The following ADGRV1 variants were observed in gnomAD, a reference collection of about 807,000 sequenced individuals.
The protein encoded by ADGRV1 is G-protein coupled receptor 98.
In ADGRV1, 359 loss-of-function variants were observed where a neutral mutation model predicts 596.2. That is an observed-to-expected ratio of 0.60 (90% CI 0.55 to 0.66). The LOEUF (loss-of-function observed/expected upper bound fraction) is 0.66, where lower values mean the gene tolerates loss of function less well. Among genes scored for constraint, ADGRV1 ranks in the 30% least tolerant of loss-of-function variants. The pLI is 0.00. For missense variants in ADGRV1, 7,274 were observed against 7,575.6 expected (o/e 0.96, Z 1.48); for synonymous variants, 2,681 against 2,679.2 (o/e 1.00, Z -0.02).
intron 83 of ADGRV1, among the ~76,000 whole-genome samples, chr5:90,916,327 A>G (rs1446362046): frequency 5.9e-5 from 9 of 152,174 alleles, no homozygotes; most frequent in Admixed American, 4.6e-4. Flanking sequence ...ATATATGAAG[A>G]TATTTTTTAA....
intron 83 of ADGRV1, among the ~76,000 whole-genome samples, chr5:90,868,280 C>A (rs1401630828): frequency 6.6e-6 from 1 of 152,036 alleles, no homozygotes; most frequent in East Asian, 1.9e-4. Context: ...TTTAAGAAAT[C>A]CCATTAATTA....
chr5:90,595,908 C>T lies in ADGRV1; in HGVS notation c.23-18927C>T, dbSNP rs1760440390. Among the ~76,000 whole-genome samples, 3 of 131,086 alleles carry T rather than the reference C, an allele frequency of 2.3e-5. No individual in the cohort carries two copies. In the South Asian group the frequency reaches 6.9e-4, roughly 30 times the overall value. 86.0% of individuals were successfully genotyped at this position (131,086 alleles called of 152,430 possible). On this transcript the variant is annotated intron_variant, in intron 1 of 89. Coordinates refer to ENST00000405460, the MANE Select transcript of ADGRV1 (RefSeq NM_032119.4). ...GGGGCTGACCCCCCCCACCTCCCTC[C>T]CGGATGGGGTGGCTGCCGGGCGGAG...
chr5:90,911,355 T>C (rs1772872774), intron 83 of ADGRV1, among the ~76,000 whole-genome samples: 1 of 152,202 alleles, frequency 6.6e-6, no homozygotes, highest in African/African-American at 2.4e-5. Context: ...TCTGTAAACA[T>C]TAGGAAGCAC....
At chr5:90,863,522 G>T (rs1387250703) in intron 82 of ADGRV1, among the ~76,000 whole-genome samples, 1 of 152,152 alleles carries the variant, frequency 6.6e-6, no homozygotes, top group Admixed American at 6.5e-5. Context: ...AAAATTTTAT[G>T]ACTGAAAAAT....
Position 90,790,782 on chromosome 5 carries a change from T to G in ADGRV1, c.14044-91T>G, listed in dbSNP as rs555098442. 5.1e-6 allele frequency: 4 copies of G among 789,284 alleles called. No homozygotes were observed. In the African/African-American group the frequency reaches 5.2e-5, roughly 10 times the overall value. 48.9% of individuals were successfully genotyped at this position (789,284 alleles called of 1,614,324 possible). A position where few individuals can be genotyped will look rare whatever the true frequency, so the allele number is the denominator to read the frequency against. On this transcript the variant is annotated intron_variant, in intron 69 of 89. Coordinates refer to ENST00000405460, the MANE Select transcript of ADGRV1 (RefSeq NM_032119.4). ...AGTGATGCACAATTATATTTTTTTT[T>G]TGTATATTATAGAGAAAAACATAAT... is the stretch of plus-strand genomic sequence containing the variant.
intron 86 of ADGRV1, among the ~76,000 whole-genome samples, chr5:91,099,872 T>C (rs1436043593): frequency 6.6e-6 from 1 of 152,150 alleles, no homozygotes; most frequent in Non-Finnish European, 1.5e-5. Context: ...TAAATGTGTT[T>C]GTGTGTGCAT....
chr5:91,101,713 C>G (rs1791389418), intron 86 of ADGRV1, among the ~76,000 whole-genome samples: 3 of 151,968 alleles, frequency 2.0e-5, no homozygotes, highest in Admixed American at 2.0e-4. Flanking sequence ...TTAAACTTAC[C>G]AATAAATTTT....
intron 87 of ADGRV1, among the ~76,000 whole-genome samples, chr5:91,144,930 C>G (rs543460534): frequency 6.6e-6 from 1 of 152,216 alleles, no homozygotes; most frequent in Non-Finnish European, 1.5e-5. Context: ...AATTCTTTCA[C>G]AGACTGGCAT....
intron 59 of ADGRV1, among the ~76,000 whole-genome samples, chr5:90,766,110 T>C (rs563992950): frequency 1.1e-3 from 160 of 152,074 alleles, no homozygotes; most frequent in East Asian, 4.1e-3. Context: ...AGGGTTTCAC[T>C]GTGTTAGCCA....
chr5:90,926,954 T>G (rs1774547158), intron 83 of ADGRV1, among the ~76,000 whole-genome samples: 1 of 151,968 alleles, frequency 6.6e-6, no homozygotes, highest in Admixed American at 6.5e-5. Context: ...GTGAGTGAGA[T>G]TCCTAATCCT....
intron 77 of ADGRV1, among the ~76,000 whole-genome samples, chr5:90,829,877 C>T (rs997829757): frequency 6.6e-6 from 1 of 152,130 alleles, no homozygotes; most frequent in African/African-American, 2.4e-5. Context: ...AGCTGACCCA[C>T]CTTAGTCCTC....
intron 36 of ADGRV1, 51 bp downstream of exon 36, chr5:90,704,539 G>A: frequency 4.4e-6 from 5 of 1,147,368 alleles, no homozygotes; most frequent in Non-Finnish European, 5.0e-6. Flanking sequence ...TTTCGTAAAA[G>A]AAAGAAAATT....
At chr5:90,722,024 A>T (rs890986833) in intron 45 of ADGRV1, among the ~76,000 whole-genome samples, 2 of 152,214 alleles carry the variant, frequency 1.3e-5, no homozygotes, top group Non-Finnish European at 2.9e-5. Context: ...TCTTTATAAT[A>T]GTGTTAATGG....
At chr5:91,117,238 C>A (rs1320476714) in intron 87 of ADGRV1, among the ~76,000 whole-genome samples, 3 of 151,990 alleles carry the variant, frequency 2.0e-5, no homozygotes, top group African/African-American at 7.2e-5. Context: ...GTAAATTATA[C>A]ATAGTTTATT....
intron 83 of ADGRV1, among the ~76,000 whole-genome samples, chr5:90,943,569 T>C (rs1426311287): frequency 1.3e-5 from 2 of 152,178 alleles, no homozygotes; most frequent in African/African-American, 4.8e-5. Flanking sequence ...GTGGAGCTTC[T>C]ATCAGTTTCC....
intron 83 of ADGRV1, among the ~76,000 whole-genome samples, chr5:90,929,979 A>T (rs16869227): frequency 6.6e-6 from 1 of 152,162 alleles, no homozygotes; most frequent in African/African-American, 2.4e-5. Context: ...GTTTTATAGC[A>T]GATGAATTTT....
chr5:90,567,825 C>T (rs905337365), intron 1 of ADGRV1, among the ~76,000 whole-genome samples: 8 of 151,646 alleles, frequency 5.3e-5, no homozygotes, highest in African/African-American at 1.5e-4. Flanking sequence ...CTGCAACCTC[C>T]GCCTCCTGGG....
rs1766731651 is a variant in ADGRV1 at position 90,853,511 on chromosome 5, A to G, written c.17432A>G (p.Asn5811Ser). The G allele has an allele frequency of 6.2e-7, 1 of 1,611,978 alleles. No homozygotes were observed. Among genetic ancestry groups the G allele is most frequent in the Non-Finnish European group, 8.5e-7 (1 of 1,178,710 alleles). ...CAACAGTGGTTTATAAGTGGAAACA[A>G]TCTTCCTACCCTAAAAAATAAGGTA... ...SSQQWFISGN[N>S]LPTLKNKVLS... Residue 5811 changes from asparagine (N) to serine (S), a missense_variant, in exon 80 of 90, where the codon AAT becomes AGT. Around this residue, in one of 5 missense-constraint regions of ADGRV1, gnomAD observed 1,874 missense variants for 1,970.2 expected, o/e 0.95. Coordinates refer to ENST00000405460, the MANE Select transcript of ADGRV1 (RefSeq NM_032119.4).
intron 61 of ADGRV1, among the ~76,000 whole-genome samples, chr5:90,777,299 CAGG>C (rs954875587): frequency 5.9e-5 from 9 of 152,122 alleles, no homozygotes; most frequent in African/African-American, 1.7e-4. Flanking sequence ...CACCTCCCAC[CAGG>C]CCCCACCTCC....
Sources: gnomAD v4.1 joint callset for allele counts (sites outside exome capture counted in the v4.1 genomes callset) on GRCh38, gnomAD v4.1.1 for gene constraint, gnomAD v4.1.1 regional missense constraint, MANE v1.5 for transcripts, NCBI Gene and HGNC (gene_info 2026-07-23, HGNC 2026-07-21) for gene names.